Variants in NEXMIF observed in about 807,000 individuals in gnomAD.
NEXMIF encodes neurite extension and migration factor.
A neutral mutation model predicts 62.1 loss-of-function variants in NEXMIF; 8 were observed. The ratio of observed to expected loss-of-function variants is 0.13; its 90% CI spans 0.08 to 0.23. The LOEUF is 0.23. Ranked by LOEUF, NEXMIF falls within the 10% of genes least tolerant of loss-of-function variation. The probability of loss-of-function intolerance (pLI) is 1.00; values close to 1 mark genes in which losing one functional copy is unlikely to be tolerated. For synonymous variants in NEXMIF, 404 were observed against 416.6 expected (o/e 0.97, Z 0.37); for missense variants, 976 against 1,113.3 (o/e 0.88, Z 1.75).
chrX:74,801,283 C>A (rs1419547668), intron 1 of NEXMIF, among the ~76,000 whole-genome samples: 1 of 111,939 alleles, frequency 8.9e-6, no homozygotes. Context: ...TATAAACACT[C>A]GTGCAGGTTT....
intron 1 of NEXMIF, among the ~76,000 whole-genome samples, chrX:74,838,616 T>G (rs891322938): frequency 7.1e-5 from 8 of 112,088 alleles, no homozygotes; most frequent in Non-Finnish European, 1.5e-4. Flanking sequence ...GGATGTCTTT[T>G]TAAACTTCAG....
chrX:74,903,880 C>CGTGTGTGTGTGT (rs3222701), intron 1 of NEXMIF, among the ~76,000 whole-genome samples: 1 of 94,211 alleles, frequency 1.1e-5, no homozygotes, highest in African/African-American at 3.9e-5. Flanking sequence ...CAATTCTAAT[C>CGTGTGTGTGTGT]GTGTGTGTGT....
chrX:74,835,425 G>A (rs1166883870), intron 1 of NEXMIF, among the ~76,000 whole-genome samples: 2 of 111,520 alleles, frequency 1.8e-5, no homozygotes, highest in East Asian at 5.6e-4. Context: ...CACAGTCTGG[G>A]CTTATTTGCT....
At chrX:74,854,924 A>C (rs773103128) in intron 1 of NEXMIF, among the ~76,000 whole-genome samples, 1 of 112,362 alleles carries the variant, frequency 8.9e-6, no homozygotes, top group Admixed American at 9.4e-5. Context: ...AACAGAAAAC[A>C]AACAAATAAA....
chrX:74,873,644 C>T (rs1240661924), intron 1 of NEXMIF, among the ~76,000 whole-genome samples: 1 of 111,761 alleles, frequency 8.9e-6, no homozygotes, highest in Non-Finnish European at 1.9e-5. Context: ...ACATCCTCTC[C>T]AGCACCTGTT....
Position 74,742,715 on chromosome X carries a change from T to C in NEXMIF, c.1842A>G (p.Pro614=). ...TPFSQKQSFE[P]GSFEVSFLPP... is the part of the protein sequence containing the mutation. ...GCAGAAATGACACCTCAAAGCTACC[T>C]GGTTCAAAGCTTTGCTTTTGGGAAA... The change falls in exon 3 of 4, where the codon CCA becomes CCG. Residue 614 remains proline (P), a synonymous_variant. Coordinates refer to ENST00000055682, the MANE Select transcript of NEXMIF (RefSeq NM_001008537.3). 1 of 1,211,012 alleles carries C rather than the reference T, an allele frequency of 8.3e-7. No homozygotes were observed. Among genetic ancestry groups the C allele is most frequent in the Non-Finnish European group, 1.1e-6 (1 of 894,974 alleles).
intron 1 of NEXMIF, among the ~76,000 whole-genome samples, chrX:74,907,912 C>T (rs1184604840): frequency 9.0e-6 from 1 of 111,496 alleles, no homozygotes; most frequent in Admixed American, 9.5e-5. Flanking sequence ...ATCCACTGCT[C>T]CTTCTCCCAC....
chrX:74,845,692 T>C (rs747715432), intron 1 of NEXMIF, among the ~76,000 whole-genome samples: 2 of 111,607 alleles, frequency 1.8e-5, no homozygotes, highest in South Asian at 3.8e-4. Flanking sequence ...GTGGACAATG[T>C]ATAATGGCAA....
At chrX:74,764,063 C>T (rs1188159347) in intron 1 of NEXMIF, among the ~76,000 whole-genome samples, 13 of 111,533 alleles carry the variant, frequency 1.2e-4, no homozygotes, top group African/African-American at 2.6e-4. Context: ...AAAGGGAATG[C>T]TTCCCGTTTT....
In NEXMIF at chrX:74,740,869, C is replaced by T; in HGVS notation, c.3688G>A (p.Ala1230Thr). ...TGCATTTTCTCTCCATTGATGGCAG[C>T]CATGTATTTCCCTTTCTTTGTGGAC... ...PKSTKKGKYM[A>T]AINGEKMQIG... The change falls in exon 3 of 4, where the codon GCT becomes ACT. Residue 1230 changes from alanine to threonine, a missense_variant. Physicochemically the swap from Ala to Thr is moderately conservative, Grantham distance 58 (BLOSUM62 0). Around this residue, in one of 5 missense-constraint regions of NEXMIF, gnomAD observed 639 missense variants for 694.5 expected, o/e 0.92. Coordinates refer to ENST00000055682, the MANE Select transcript of NEXMIF (RefSeq NM_001008537.3). The T allele has an allele frequency of 1.7e-6, 2 of 1,211,962 alleles. No individual in the cohort carries two copies. Among genetic ancestry groups the T allele is most frequent in the Non-Finnish European group, 2.2e-6 (2 of 895,533 alleles).
At chrX:74,854,923 C>T (rs1466493106) in intron 1 of NEXMIF, among the ~76,000 whole-genome samples, 1 of 111,521 alleles carries the variant, frequency 9.0e-6, no homozygotes, top group African/African-American at 3.3e-5. Flanking sequence ...AAACAGAAAA[C>T]AAACAAATAA....
chrX:74,746,888 C>T (rs1053305291), intron 1 of NEXMIF, among the ~76,000 whole-genome samples: 1 of 112,464 alleles, frequency 8.9e-6, no homozygotes, highest in African/African-American at 3.2e-5. Context: ...GGCAATAAAC[C>T]ATGGGTGCCA....
rs149012536 is a variant in NEXMIF at position 74,909,912 on chromosome X, G to A, written c.-48+14971C>T. On this transcript the variant is annotated intron_variant, in intron 1 of 3. Transcript: ENST00000055682. ...GCTTCCACGTGGTGTTGAGCCTGTG[G>A]GTGCACAGGTGTCAAGAATTGAGGT... Among the ~76,000 whole-genome samples the A allele has an allele frequency of 5.8e-3, 648 of 112,342 alleles. 3 individuals carry two copies. Among genetic ancestry groups the A allele is most frequent in the African/African-American group, 0.02 (624 of 30,954 alleles).
At chrX:74,920,156 G>A (rs1311140475) in intron 1 of NEXMIF, among the ~76,000 whole-genome samples, 1 of 111,196 alleles carries the variant, frequency 9.0e-6, no homozygotes, top group African/African-American at 3.3e-5. Flanking sequence ...TGGGATGGCT[G>A]GGTCAAATGG....
intron 1 of NEXMIF, among the ~76,000 whole-genome samples, chrX:74,859,428 A>C (rs1264209688): frequency 9.0e-6 from 1 of 111,711 alleles, no homozygotes; most frequent in Non-Finnish European, 1.9e-5. Context: ...TTCAAACATG[A>C]AGGAGAAATA....
At chrX:74,905,279 A>T (rs1226844077) in intron 1 of NEXMIF, among the ~76,000 whole-genome samples, 1 of 111,453 alleles carries the variant, frequency 9.0e-6, no homozygotes, top group Admixed American at 9.6e-5. Context: ...AGCTCTATAT[A>T]TTATTTATGG....
chrX:74,884,066 A>C (rs1217137400), intron 1 of NEXMIF, among the ~76,000 whole-genome samples: 1 of 111,875 alleles, frequency 8.9e-6, no homozygotes, highest in Admixed American at 9.5e-5. Context: ...AGTGAAGGAG[A>C]AATAAAATTC....
chrX:74,912,600 G>C (rs1569367853), intron 1 of NEXMIF, among the ~76,000 whole-genome samples: 1 of 111,031 alleles, frequency 9.0e-6, no homozygotes, highest in Non-Finnish European at 1.9e-5. Context: ...CAGCACCTCA[G>C]GTTTTGGAAC....
chrX:74,882,868 C>A (rs1469380015), intron 1 of NEXMIF, among the ~76,000 whole-genome samples: 1 of 112,332 alleles, frequency 8.9e-6, no homozygotes, highest in Non-Finnish European at 1.9e-5. Context: ...TCCCTGACCC[C>A]TGAGTAGCCT....
Sources: allele counts gnomAD v4.1 joint callset (sites outside exome capture counted in the v4.1 genomes callset), GRCh38; gene constraint gnomAD v4.1.1; regional missense constraint gnomAD v4.1.1; transcripts MANE v1.5; gene names NCBI Gene and HGNC (gene_info 2026-07-23, HGNC 2026-07-21).